PHF21A: variants seen among roughly 807,000 people sequenced by gnomAD.
PHF21A encodes the protein PHD finger protein 21A.
Under a neutral mutation model 82.5 loss-of-function variants are expected in PHF21A, and 11 were observed. The observed-to-expected ratio is 0.13, with a 90% confidence interval of 0.08 to 0.22. The LOEUF (loss-of-function observed/expected upper bound fraction) is 0.22. Among genes scored for constraint, PHF21A ranks in the 10% least tolerant of loss-of-function variants. The pLI is 1.00. For synonymous variants in PHF21A, 297 were observed against 302.8 expected, an observed-to-expected ratio of 0.98 and a Z score of 0.20; for missense variants, 579 against 837.8, an observed-to-expected ratio of 0.69 and a Z score of 3.81.
intron 1 of PHF21A, among the ~76,000 whole-genome samples, chr11:46,114,226 T>C (rs1355223932): frequency 6.6e-6 from 1 of 152,162 alleles, no homozygotes; most frequent in East Asian, 1.9e-4. Context: ...TTTTAAGCTA[T>C]CAGTAACACG....
At chr11:46,111,718 C>G (rs2097216697) in intron 1 of PHF21A, among the ~76,000 whole-genome samples, 1 of 152,082 alleles carries the variant, frequency 6.6e-6, no homozygotes, top group African/African-American at 2.4e-5. Flanking sequence ...CTCAAACAGC[C>G]AAAAGGAACC....
rs562758394 is a variant in PHF21A at position 45,932,625 on chromosome 11, T to A, written c.*1343A>T. On this transcript the variant is annotated 3_prime_UTR_variant, in exon 19 of 19. Coordinates refer to ENST00000676320, the MANE Select transcript of PHF21A (RefSeq NM_001352027.3). This position sits in a 1 kb window ranked among gnomAD's most constrained non-coding sequence, Gnocchi z 4.3. ...TTTTAGGAAACAAATAGCACTTTTGTAATTTTTTTTTACAATGTTTCTTAC... is the reference window on the plus strand; with the variant it reads ...TTTTAGGAAACAAATAGCACTTTTGAAATTTTTTTTTACAATGTTTCTTAC... 6.5e-6 allele frequency: 1 copy of A among 152,794 alleles called. No individual in the cohort carries two copies. The highest frequency in any genetic ancestry group is 2.4e-5 in the African/African-American group (1 of 41,582). The allele number at this position is 152,794 out of a possible 1,614,324, so 9.5% of individuals were successfully genotyped here.
intron 14 of PHF21A, among the ~76,000 whole-genome samples, chr11:45,947,422 G>C (rs2091462309): frequency 6.6e-6 from 1 of 152,208 alleles, no homozygotes. Context: ...TTATGCACAA[G>C]AGTCATGATT....
chr11:45,935,153 TCA>T (rs1160088499), intron 18 of PHF21A: 3 of 1,289,468 alleles, frequency 2.3e-6, no homozygotes, highest in Non-Finnish European at 3.0e-6. Flanking sequence ...GCCCGCTTCC[TCA>T]CACTGGTCAG....
At chr11:46,042,975 G>A (rs1284930605) in intron 6 of PHF21A, among the ~76,000 whole-genome samples, 1 of 152,050 alleles carries the variant, frequency 6.6e-6, no homozygotes, top group Non-Finnish European at 1.5e-5. Flanking sequence ...ACTAATACAT[G>A]TGGTAATCAG....
intron 15 of PHF21A, among the ~76,000 whole-genome samples, chr11:45,938,609 C>T (rs1325333417): frequency 6.6e-6 from 1 of 152,138 alleles, no homozygotes; most frequent in Non-Finnish European, 1.5e-5. Flanking sequence ...TTTCTATACA[C>T]ACAGACCCAC....
chr11:46,043,645 T>G (rs78673241), intron 6 of PHF21A, among the ~76,000 whole-genome samples: 9 of 150,704 alleles, frequency 6.0e-5, no homozygotes, highest in Admixed American at 1.3e-4. Context: ...AAAAAAAAAC[T>G]GACCCACTTT....
chr11:46,117,037 T>G (rs1234198312), intron 1 of PHF21A: 1 of 152,170 alleles, frequency 6.6e-6, no homozygotes, highest in Non-Finnish European at 1.5e-5. Flanking sequence ...TCAACTGATA[T>G]GGAAAAAGTT....
At chr11:45,935,884 C>T in intron 17 of PHF21A, 145 bp from the exon 18 acceptor site, 1 of 607,084 alleles carries the variant, frequency 1.6e-6, no homozygotes, top group East Asian at 2.7e-5. Flanking sequence ...AATCTGCCCA[C>T]CTGGACTTTT....
At chr11:46,050,380 T>A (rs1381922136) in intron 6 of PHF21A, among the ~76,000 whole-genome samples, 2 of 152,250 alleles carry the variant, frequency 1.3e-5, no homozygotes, top group African/African-American at 4.8e-5. Flanking sequence ...ATCAGTGTGA[T>A]TTCCCTGTTC....
intron 6 of PHF21A, among the ~76,000 whole-genome samples, chr11:46,032,010 C>A (rs1248772228): frequency 1.3e-5 from 2 of 152,130 alleles, no homozygotes; most frequent in African/African-American, 4.8e-5. Flanking sequence ...GCTTTATTAG[C>A]TGATAATTTA....
In PHF21A at chr11:46,105,385, GC is replaced by G. The variant is rs370218802; in HGVS notation, c.-236-13163del. Among the ~76,000 whole-genome samples, 862 of 152,248 alleles carry G rather than the reference GC, an allele frequency of 5.7e-3. 4 individuals are homozygous for G. Among genetic ancestry groups the G allele is most frequent in the African/African-American group, 0.02 (825 of 41,536 alleles). On this transcript the variant is annotated intron_variant, in intron 1 of 18. Transcript: ENST00000676320. ...ACGTCTTTACAGGCACACAGGACAT[GC>G]CCCTGATGATTAGATCACTGCACGA...
intron 1 of PHF21A, among the ~76,000 whole-genome samples, chr11:46,100,269 T>TA (rs909351294): frequency 5.0e-4 from 74 of 146,800 alleles, no homozygotes; most frequent in Middle Eastern, 3.5e-3. Flanking sequence ...TAACCTTGTT[T>TA]AAAAAAAAAA....
intron 16 of PHF21A, among the ~76,000 whole-genome samples, chr11:45,937,641 C>G (rs372880875): frequency 1.3e-5 from 2 of 152,024 alleles, no homozygotes; most frequent in Non-Finnish European, 2.9e-5. Context: ...CCACCATGCC[C>G]GGCTAATTTT....
At chr11:46,059,180 T>C (rs561942921) in intron 6 of PHF21A, among the ~76,000 whole-genome samples, 12 of 152,234 alleles carry the variant, frequency 7.9e-5, no homozygotes, top group African/African-American at 2.6e-4. Flanking sequence ...AATATTTACG[T>C]CCAAGGATGT....
At chr11:46,087,783 T>C (rs1239467630) in intron 3 of PHF21A, among the ~76,000 whole-genome samples, 1 of 152,058 alleles carries the variant, frequency 6.6e-6, no homozygotes, top group Non-Finnish European at 1.5e-5. Flanking sequence ...TGAGATAGGG[T>C]CTTACTGTGT....
At chr11:45,938,086 A>C in intron 16 of PHF21A, 71 bp downstream of exon 16, 3 of 1,316,880 alleles carry the variant, frequency 2.3e-6, no homozygotes, top group Non-Finnish European at 3.1e-6. Flanking sequence ...TTTCCCCGGG[A>C]AAGGAATTCC....
chr11:46,104,581 C>T (rs548077443), intron 1 of PHF21A, among the ~76,000 whole-genome samples: 18 of 152,118 alleles, frequency 1.2e-4, no homozygotes, highest in African/African-American at 1.7e-4. Context: ...TTTCTCACCA[C>T]GCATTTCAAG....
intron 6 of PHF21A, among the ~76,000 whole-genome samples, chr11:46,019,575 T>C (rs1029627120): frequency 6.6e-6 from 1 of 152,176 alleles, no homozygotes; most frequent in Non-Finnish European, 1.5e-5. Context: ...AGTACTATGT[T>C]CTTTCTGATG....
Sources: gnomAD v4.1 joint callset for allele counts (sites outside exome capture counted in the v4.1 genomes callset) on GRCh38, gnomAD v4.1.1 for gene constraint, Gnocchi (gnomAD v3.1) non-coding constraint, MANE v1.5 for transcripts, NCBI Gene and HGNC (gene_info 2026-07-23, HGNC 2026-07-21) for gene names.